The following UBXN8 variants were observed in gnomAD, a reference collection of about 807,000 sequenced individuals.
UBXN8 encodes UBX domain-containing protein 8.
UBXN8 carries 27 observed loss-of-function variants against 32.1 expected under a neutral mutation model. The ratio of observed to expected loss-of-function variants is 0.84; its 90% CI spans 0.62 to 1.16. The LOEUF (loss-of-function observed/expected upper bound fraction) is 1.16, where lower values mean the gene tolerates loss of function less well. Among genes scored for constraint, UBXN8 ranks in the 50% most tolerant of loss-of-function variants. UBXN8 has a pLI of 0.00. For synonymous variants in UBXN8, 109 were observed against 111.8 expected (o/e 0.98, Z 0.16); for missense variants, 306 against 311.4 (o/e 0.98, Z 0.13).
chr8:30,753,219 A>G (rs1805561842), intron 3 of UBXN8, 114 bp downstream of exon 3: 1 of 1,304,690 alleles, frequency 7.7e-7, no homozygotes, highest in South Asian at 2.5e-5. Context: ...AAAATATATA[A>G]TGAGGTCAAA....
chr8:30,763,879 T>TA, intron 7 of UBXN8, among the ~76,000 whole-genome samples: 1 of 152,234 alleles, frequency 6.6e-6, no homozygotes, highest in Non-Finnish European at 1.5e-5. Context: ...TAATCCCACC[T>TA]ACTCGGGAGG....
chr8:30,754,643 C>T (rs762650684), intron 3 of UBXN8, 22 bp from the exon 4 acceptor site: 1 of 1,532,974 alleles, frequency 6.5e-7, no homozygotes, highest in Non-Finnish European at 8.7e-7. Flanking sequence ...AGTAACAACA[C>T]CTAATTTGTT....
chr8:30,739,690 G>C (rs1468198006), upstream of UBXN8, among the ~76,000 whole-genome samples: 1 of 152,090 alleles, frequency 6.6e-6, no homozygotes, highest in Non-Finnish European at 1.5e-5. Context: ...TTTTAACACT[G>C]GGGGAAATGG....
chr8:30,748,816 C>T (rs1246481231), intron 1 of UBXN8, among the ~76,000 whole-genome samples: 1 of 152,180 alleles, frequency 6.6e-6, no homozygotes, highest in Non-Finnish European at 1.5e-5. Context: ...GCTGGGATTA[C>T]AGGCATGAGC....
At chr8:30,744,349 C>T (rs1034107179) in intron 1 of UBXN8, 72 bp downstream of exon 1, 33 of 1,459,360 alleles carry the variant, frequency 2.3e-5, no homozygotes, top group Middle Eastern at 3.5e-4. Flanking sequence ...AGAACGACCG[C>T]CTCTTCGGCT....
In UBXN8 at chr8:30,759,906, A is replaced by C. The variant is rs13256951; in HGVS notation, c.529-982A>C. Among the ~76,000 whole-genome samples the C allele has an allele frequency of 9.9e-3, 1,491 of 150,956 alleles. 31 individuals carry two copies. The highest frequency in any genetic ancestry group is 0.034 in the African/African-American group (1,403 of 41,094). ...CAGGAGGCAGAGCTTGCAGTGAGCC[A>C]AGATCGCGCCACTGCACTCCAGCCT... On this transcript the variant is annotated intron_variant, in intron 5 of 7. Transcript: ENST00000265616.
chr8:30,748,740 C>T (rs1805429885), intron 1 of UBXN8, among the ~76,000 whole-genome samples: 1 of 152,022 alleles, frequency 6.6e-6, no homozygotes. Flanking sequence ...GAGGTTTCAC[C>T]GTGTTGGCCA....
chr8:30,747,284 C>G (rs1586093657), intron 1 of UBXN8, among the ~76,000 whole-genome samples: 1 of 133,920 alleles, frequency 7.5e-6, no homozygotes, highest in South Asian at 2.7e-4. Flanking sequence ...TAGTATGGAA[C>G]ATAAATCCCA....
In UBXN8 at chr8:30,754,013, G is replaced by A. The variant is rs949606786; in HGVS notation, c.283-652G>A. Among the ~76,000 whole-genome samples the A allele has an allele frequency of 4.6e-5, 7 of 152,106 alleles. No homozygotes were observed. In the East Asian group the frequency reaches 7.7e-4, roughly 17 times the overall value. ...TCCCAGCACTTTGAGAGGCTGAGAC[G>A]GGTGGATCACGAGGTCAAGAGATCG... On this transcript the variant is annotated intron_variant, in intron 3 of 7. Coordinates refer to ENST00000265616, the MANE Select transcript of UBXN8 (RefSeq NM_005671.4).
chr8:30,739,463 G>A (rs1238507105), upstream of UBXN8, among the ~76,000 whole-genome samples: 1 of 152,174 alleles, frequency 6.6e-6, no homozygotes, highest in Non-Finnish European at 1.5e-5. Context: ...AGAACGGCGT[G>A]AACCTGGGAG....
chr8:30,756,645 G>T (rs897012851), intron 4 of UBXN8, 120 bp from the exon 5 acceptor site: 170 of 1,418,408 alleles, frequency 1.2e-4, no homozygotes, highest in East Asian at 1.0e-3. Context: ...ATAATGGCTT[G>T]CTAATATTTT....
At chr8:30,753,210 A>C (rs900164067) in intron 3 of UBXN8, 105 bp downstream of exon 3, 1 of 1,333,790 alleles carries the variant, frequency 7.5e-7, no homozygotes, top group Non-Finnish European at 9.7e-7. Flanking sequence ...AGATTTTAAA[A>C]AATATATAAT....
At chr8:30,748,123 A>ATT in intron 1 of UBXN8, among the ~76,000 whole-genome samples, 1 of 149,032 alleles carries the variant, frequency 6.7e-6, no homozygotes, top group Non-Finnish European at 1.5e-5. Flanking sequence ...CTTAAGCTAA[A>ATT]TTTTTTTTCT....
At chr8:30,763,777 G>A (rs1174761212) in intron 7 of UBXN8, among the ~76,000 whole-genome samples, 1 of 152,042 alleles carries the variant, frequency 6.6e-6, no homozygotes, top group Non-Finnish European at 1.5e-5. Flanking sequence ...GATCACTTGA[G>A]GTCAGGAGTT....
intron 6 of UBXN8, chr8:30,763,053 C>CG: frequency 1.9e-6 from 1 of 513,508 alleles, no homozygotes; most frequent in Non-Finnish European, 3.5e-6. Context: ...TTTTTTATGG[C>CG]GGGGGGTGTC....
At chr8:30,729,210 G>C (rs967321448), upstream of UBXN8, among the ~76,000 whole-genome samples, 5 of 152,208 alleles carry the variant, frequency 3.3e-5, no homozygotes, top group African/African-American at 7.2e-5. Context: ...CGGATCCTGC[G>C]AGCGCTCCTG....
At chr8:30,749,741 G>T (rs1805469206) in intron 1 of UBXN8, among the ~76,000 whole-genome samples, 3 of 151,850 alleles carry the variant, frequency 2.0e-5, no homozygotes, top group Admixed American at 6.6e-5. Flanking sequence ...AAGTAGCTGG[G>T]ACTACAGGTA....
At chr8:30,749,392 C>CAAAA (rs762244650) in intron 1 of UBXN8, among the ~76,000 whole-genome samples, 37 of 74,658 alleles carry the variant, frequency 5.0e-4, no homozygotes, top group Admixed American at 2.8e-3. Context: ...GGCTCCGTCT[C>CAAAA]AAAAAAAAAA....
upstream of UBXN8, among the ~76,000 whole-genome samples, chr8:30,742,728 T>G (rs1805239176): frequency 6.6e-6 from 1 of 152,146 alleles, no homozygotes; most frequent in South Asian, 2.1e-4. Flanking sequence ...CCGGACATCC[T>G]TGCCCAGATT....
Sources: gnomAD v4.1 joint callset for allele counts (sites outside exome capture counted in the v4.1 genomes callset) on GRCh38, gnomAD v4.1.1 for gene constraint, MANE v1.5 for transcripts, NCBI Gene and HGNC (gene_info 2026-07-23, HGNC 2026-07-21) for gene names.